Variants in ECE1 observed in about 807,000 individuals in gnomAD.
The protein encoded by ECE1 is endothelin converting enzyme 1, also known as endothelin-converting enzyme 1.
ECE1 carries 35 observed loss-of-function variants against 98.6 expected under a neutral mutation model. The ratio of observed to expected loss-of-function variants is 0.35; its 90% CI spans 0.27 to 0.47. The LOEUF is 0.47. ECE1 is among the 20% of genes least tolerant of loss of function. The probability of loss-of-function intolerance (pLI) is 1.00; values close to 1 mark genes in which losing one functional copy is unlikely to be tolerated. For missense variants in ECE1, 814 were observed against 1,025.3 expected (o/e 0.79, Z 2.81); for synonymous variants, 394 against 407.1 (o/e 0.97, Z 0.39).
At chr1:21,236,187 G>A (rs1400932206) in intron 12 of ECE1, among the ~76,000 whole-genome samples, 2 of 152,234 alleles carry the variant, frequency 1.3e-5, no homozygotes, top group East Asian at 1.9e-4. Flanking sequence ...GAGCCTTCCC[G>A]ACCCACGGGA....
At chr1:21,323,292 G>A (rs563787977) in intron 1 of ECE1, among the ~76,000 whole-genome samples, 4 of 152,140 alleles carry the variant, frequency 2.6e-5, no homozygotes, top group Non-Finnish European at 4.4e-5. Context: ...TGGAACCGGC[G>A]GGGGGAGGGT....
chr1:21,300,777 C>A (rs903556487), intron 1 of ECE1, among the ~76,000 whole-genome samples: 1 of 151,922 alleles, frequency 6.6e-6, no homozygotes, highest in Admixed American at 6.6e-5. Context: ...ACTTTTTTTT[C>A]TTCTTAAGAG....
intron 3 of ECE1, among the ~76,000 whole-genome samples, chr1:21,276,026 CTTTTTTTT>C (rs532213567): frequency 3.3e-5 from 3 of 91,272 alleles, no homozygotes; most frequent in African/African-American, 1.5e-4. Flanking sequence ...TTAATACGTG[CTTTTTTTT>C]TTTTTTTTTT....
intron 1 of ECE1, among the ~76,000 whole-genome samples, chr1:21,323,243 T>C (rs1249040454): frequency 1.3e-5 from 2 of 151,992 alleles, no homozygotes; most frequent in African/African-American, 4.8e-5. Context: ...CTTGAGGGCG[T>C]AGGTGGAGAA....
chr1:21,287,646 C>T (rs1166933768), intron 2 of ECE1, among the ~76,000 whole-genome samples: 2 of 152,182 alleles, frequency 1.3e-5, no homozygotes, highest in African/African-American at 2.4e-5. Context: ...ACAGCAGTTG[C>T]GCCTAAGTGT....
chr1:21,256,749 T>C (rs1041541427), intron 7 of ECE1: 3 of 153,496 alleles, frequency 2.0e-5, no homozygotes, highest in African/African-American at 7.3e-5. Flanking sequence ...TTAGAATGCA[T>C]CTTTTCTGAC....
rs139118189 is a variant in ECE1, at chr1:21,271,841, G to A, written c.493+858C>T. 4.0e-3 allele frequency among the ~76,000 whole-genome samples: 612 copies of A among 152,208 alleles called. 3 individuals carry two copies. The highest frequency in any genetic ancestry group is 0.014 in the African/African-American group (564 of 41,512). ...GAGAACTCTGACCAGAGGGCTTATC[G>A]TGCAAGCCCGATCACCGTGAGGCTA... On this transcript the variant is annotated intron_variant, in intron 4 of 18. Coordinates refer to ENST00000374893, the MANE Select transcript of ECE1 (RefSeq NM_001397.3).
In ECE1 at chr1:21,233,934, T is replaced by TG. The variant is rs371711449; in HGVS notation, c.1567-274dup. ...CAATAGAACCTCCTGCGATGATGGA[T>TG]GTTCTGTGCTCTATGCCTGCGCTGT... On this transcript the variant is annotated intron_variant, in intron 13 of 18. Coordinates refer to ENST00000374893, the MANE Select transcript of ECE1 (RefSeq NM_001397.3). This position sits in a 1 kb window ranked among gnomAD's most constrained non-coding sequence, Gnocchi z 4.0. Among the ~76,000 whole-genome samples, 4 of 152,116 alleles carry TG rather than the reference T, an allele frequency of 2.6e-5. No individual in the cohort carries two copies. Among genetic ancestry groups the TG allele is most frequent in the African/African-American group, 9.6e-5 (4 of 41,508 alleles).
chr1:21,261,955 C>T (rs761595734), intron 4 of ECE1, among the ~76,000 whole-genome samples: 4 of 152,170 alleles, frequency 2.6e-5, no homozygotes, highest in African/African-American at 7.2e-5. Context: ...AGCTGTCTGG[C>T]GTAGTCACTT....
intron 3 of ECE1, among the ~76,000 whole-genome samples, chr1:21,274,183 C>T (rs918847073): frequency 5.3e-5 from 8 of 152,232 alleles, no homozygotes; most frequent in African/African-American, 1.9e-4. Context: ...GGAACAAGGT[C>T]GCCCAGCTAT....
At chr1:21,268,649 G>C (rs1365008221) in intron 4 of ECE1, among the ~76,000 whole-genome samples, 1 of 152,234 alleles carries the variant, frequency 6.6e-6, no homozygotes, top group African/African-American at 2.4e-5. Context: ...TCCGCCTAGA[G>C]GGAAGCCCTC....
intron 1 of ECE1, among the ~76,000 whole-genome samples, chr1:21,314,654 C>T (rs1284608762): frequency 6.6e-6 from 1 of 152,190 alleles, no homozygotes; most frequent in African/African-American, 2.4e-5. Context: ...AATCCAACCT[C>T]CCCTCCAGGG....
intron 5 of ECE1, among the ~76,000 whole-genome samples, chr1:21,259,047 A>G (rs2098223585): frequency 6.6e-6 from 1 of 152,166 alleles, no homozygotes; most frequent in Non-Finnish European, 1.5e-5. Context: ...CTTATCCTAG[A>G]CAAGCCAAGC....
intron 3 of ECE1, among the ~76,000 whole-genome samples, chr1:21,274,217 C>T (rs1187727611): frequency 6.6e-6 from 1 of 152,216 alleles, no homozygotes; most frequent in South Asian, 2.1e-4. Context: ...GAGCTGAGAG[C>T]TGGGCCCAGG....
chr1:21,268,660 G>A (rs2098236882), intron 4 of ECE1, among the ~76,000 whole-genome samples: 1 of 152,186 alleles, frequency 6.6e-6, no homozygotes, highest in Admixed American at 6.5e-5. Flanking sequence ...GGAAGCCCTC[G>A]CCTCAGCAGG....
intron 8 of ECE1, among the ~76,000 whole-genome samples, chr1:21,249,776 T>C (rs930108644): frequency 2.0e-5 from 3 of 151,956 alleles, no homozygotes; most frequent in African/African-American, 7.3e-5. Flanking sequence ...CTTTTTTAAA[T>C]TATTTATTTT....
At chr1:21,289,034 G>A (rs939894558) in intron 2 of ECE1, among the ~76,000 whole-genome samples, 2 of 152,208 alleles carry the variant, frequency 1.3e-5, no homozygotes, top group South Asian at 4.1e-4. Context: ...TGCGCTGGGA[G>A]GATTATTCCC....
intron 2 of ECE1, among the ~76,000 whole-genome samples, chr1:21,283,623 C>A (rs1006870463): frequency 3.3e-5 from 5 of 152,016 alleles, no homozygotes; most frequent in Admixed American, 1.3e-4. Flanking sequence ...CAGAAGAAAC[C>A]CAGGAAGTCG....
rs1292607706 is a variant in ECE1 at position 21,340,207 on chromosome 1, T to C, written c.3+5169A>G. Among the ~76,000 whole-genome samples the C allele has an allele frequency of 6.6e-6, 1 of 152,198 alleles. No homozygotes were observed. The highest frequency in any genetic ancestry group is 1.5e-5 in the Non-Finnish European group (1 of 68,018). On this transcript the variant is annotated intron_variant, in intron 1 of 18. Coordinates refer to the ECE1 transcript ENST00000415912. The surrounding 1 kb of genome is among the most constrained non-coding windows in gnomAD (Gnocchi z 4.6). Reference sequence around the variant, plus strand: ...CTGGGAACTTGTTCTTTCTCCTCTATTAAAGGCTCTGGAGACCAGGGCCCT... The same window carrying C: ...CTGGGAACTTGTTCTTTCTCCTCTACTAAAGGCTCTGGAGACCAGGGCCCT...
Sources: gnomAD v4.1 joint callset for allele counts (sites outside exome capture counted in the v4.1 genomes callset) on GRCh38, gnomAD v4.1.1 for gene constraint, Gnocchi (gnomAD v3.1) non-coding constraint, MANE v1.5 for transcripts, NCBI Gene and HGNC (gene_info 2026-07-23, HGNC 2026-07-21) for gene names.